Variants in SCIN observed in about 807,000 individuals in gnomAD.
The protein encoded by SCIN is scinderin, also known as adseverin.
In SCIN, 91 loss-of-function variants were observed where a neutral mutation model predicts 91.8. That is an observed-to-expected ratio of 0.99 (90% CI 0.84 to 1.18). SCIN has a LOEUF of 1.18. Among genes scored for constraint, SCIN ranks in the 50% most tolerant of loss-of-function variants. SCIN has a pLI of 0.00. For missense variants in SCIN, 1,087 were observed against 863.9 expected (o/e 1.26, Z -3.24); for synonymous variants, 367 against 312.6 (o/e 1.17, Z -1.84).
At chr7:12,604,416 A>G (rs1323991976) in intron 3 of SCIN, 98 bp from the exon 4 acceptor site, 13 of 1,075,596 alleles carry the variant, frequency 1.2e-5, no homozygotes, top group Admixed American at 2.5e-5. Flanking sequence ...AGGTCATTTA[A>G]TTTTCCTTTT....
intron 4 of SCIN, among the ~76,000 whole-genome samples, chr7:12,605,090 C>T (rs766307808): frequency 7.9e-5 from 12 of 152,026 alleles, no homozygotes; most frequent in Non-Finnish European, 1.3e-4. Context: ...CTTGCTCTGT[C>T]GCCCAGGCTG....
At chr7:12,625,171 T>G (rs781625507) in intron 6 of SCIN, 29 bp downstream of exon 6, 2 of 1,583,904 alleles carry the variant, frequency 1.3e-6, no homozygotes, top group Admixed American at 3.6e-5. Flanking sequence ...GATGCTGTAT[T>G]TCAGATTTAT....
intron 3 of SCIN, among the ~76,000 whole-genome samples, chr7:12,596,031 A>G (rs1414070128): frequency 6.6e-6 from 1 of 152,148 alleles, no homozygotes; most frequent in Non-Finnish European, 1.5e-5. Flanking sequence ...ATTTTTAAAG[A>G]GCTTAGAACA....
chr7:12,578,035 A>G, intron 1 of SCIN, 29 bp from the exon 2 acceptor site: 6 of 1,502,984 alleles, frequency 4.0e-6, no homozygotes, highest in Non-Finnish European at 5.3e-6. Context: ...CTTGCTTGAT[A>G]ATTGAGGTGC....
At chr7:12,626,981 T>G (rs777606370) in intron 8 of SCIN, among the ~76,000 whole-genome samples, 182 bp downstream of exon 8, 12 of 151,868 alleles carry the variant, frequency 7.9e-5, no homozygotes, top group Non-Finnish European at 1.5e-4. Flanking sequence ...TCCTAGCTAC[T>G]TGGTAGGCTG....
chr7:12,598,479 T>C (rs972661100), intron 3 of SCIN, among the ~76,000 whole-genome samples: 1 of 152,208 alleles, frequency 6.6e-6, no homozygotes, highest in Non-Finnish European at 1.5e-5. Flanking sequence ...CTAAACACAC[T>C]ATCCACACAT....
At chr7:12,578,248 A>G in intron 2 of SCIN, 30 bp downstream of exon 2, 2 of 1,531,960 alleles carry the variant, frequency 1.3e-6, no homozygotes, top group South Asian at 1.2e-5. Context: ...TCCATTATGA[A>G]TCCCTTTCTC....
chr7:12,582,892 C>G lies in SCIN; in HGVS notation c.516+1671C>G, dbSNP rs139411226. Reference sequence around the variant, plus strand: ...TTTTCTATCTCAACTTTCATCTCCACCACTTGTACTCTAAAGCCCTTTATA... The same window carrying G: ...TTTTCTATCTCAACTTTCATCTCCAGCACTTGTACTCTAAAGCCCTTTATA... On this transcript the variant is annotated intron_variant, in intron 3 of 15. Coordinates refer to ENST00000297029, the MANE Select transcript of SCIN (RefSeq NM_001112706.3). 3.2e-3 allele frequency among the ~76,000 whole-genome samples: 483 copies of G among 152,268 alleles called. 5 individuals are homozygous for G. The highest frequency in any genetic ancestry group is 0.011 in the African/African-American group (463 of 41,556).
At chr7:12,613,685 T>A (rs1246512806) in intron 4 of SCIN, among the ~76,000 whole-genome samples, 1 of 152,198 alleles carries the variant, frequency 6.6e-6, no homozygotes, top group Non-Finnish European at 1.5e-5. Context: ...ATTGCTGTTA[T>A]GTTTGCAGGG....
chr7:12,577,934 A>T lies in SCIN; in HGVS notation c.200-130A>T, dbSNP rs569555441. 3.6e-5 allele frequency: 27 copies of T among 752,790 alleles called. No individual in the cohort carries two copies. The South Asian group carries it at 5.7e-4, about 16-fold the overall frequency. 46.6% of individuals were successfully genotyped at this position (752,790 alleles called of 1,614,324 possible). On this transcript the variant is annotated intron_variant, in intron 1 of 15. Transcript: ENST00000297029. ...TTACATACAGTATTTTAGCTAAAAG[A>T]TCTTTGTGTAGAAGACTGTTGGATT...
Position 12,635,339 on chromosome 7 carries a change from C to T in SCIN, c.1320-706C>T, listed in dbSNP as rs1388413644. On this transcript the variant is annotated intron_variant, in intron 9 of 15. Coordinates refer to ENST00000297029, the MANE Select transcript of SCIN (RefSeq NM_001112706.3). ...AGAAAGACAAAATGCTGGCTGGGCGCGGTGGCTCATGCCTGTAATCCTAGC... is the reference window on the plus strand; with the variant it reads ...AGAAAGACAAAATGCTGGCTGGGCGTGGTGGCTCATGCCTGTAATCCTAGC... Among the ~76,000 whole-genome samples the T allele has an allele frequency of 2.6e-5, 4 of 151,504 alleles. No homozygotes were observed. The South Asian group carries it at 6.3e-4, about 24-fold the overall frequency.
chr7:12,619,321 A>G (rs1002634235), intron 4 of SCIN, among the ~76,000 whole-genome samples: 7 of 152,178 alleles, frequency 4.6e-5, no homozygotes, highest in African/African-American at 1.7e-4. Flanking sequence ...AGAACAAGCC[A>G]GTGTAAATGT....
intron 5 of SCIN, 70 bp downstream of exon 5, chr7:12,622,963 G>A (rs112416510): frequency 1.4e-3 from 1,501 of 1,094,862 alleles, no homozygotes; most frequent in Admixed American, 2.6e-3. Flanking sequence ...TGTATTGGGC[G>A]GGATTCCCGT....
intron 4 of SCIN, among the ~76,000 whole-genome samples, chr7:12,616,558 A>C (rs1583301568): frequency 1.3e-5 from 2 of 152,174 alleles, no homozygotes; most frequent in East Asian, 3.9e-4. Context: ...AACTCCAAAC[A>C]GCGAAAACAC....
At chr7:12,620,849 A>T (rs1175918168) in intron 4 of SCIN, among the ~76,000 whole-genome samples, 1 of 152,130 alleles carries the variant, frequency 6.6e-6, no homozygotes, top group Non-Finnish European at 1.5e-5. Context: ...ACAGAAAGTA[A>T]TTGAAAGAGG....
chr7:12,630,295 T>G (rs1232846661), intron 9 of SCIN, among the ~76,000 whole-genome samples: 1 of 152,162 alleles, frequency 6.6e-6, no homozygotes, highest in African/African-American at 2.4e-5. Flanking sequence ...ATGTAGACTC[T>G]CAGGCCCCAC....
intron 3 of SCIN, among the ~76,000 whole-genome samples, chr7:12,586,367 A>G (rs1782586516): frequency 6.6e-6 from 1 of 152,220 alleles, no homozygotes. Flanking sequence ...ATGGAAAGCA[A>G]AACCACTATG....
chr7:12,628,462 A>G (rs892207048), intron 8 of SCIN, among the ~76,000 whole-genome samples: 1 of 152,158 alleles, frequency 6.6e-6, no homozygotes, highest in African/African-American at 2.4e-5. Flanking sequence ...GCATCCTCAC[A>G]TGGTGGAAAA....
At chr7:12,589,922 C>G (rs1234341738) in intron 3 of SCIN, among the ~76,000 whole-genome samples, 2 of 152,154 alleles carry the variant, frequency 1.3e-5, no homozygotes, top group African/African-American at 4.8e-5. Flanking sequence ...CTCTCCAGTG[C>G]TATGGGCAAA....
Sources: allele counts gnomAD v4.1 joint callset (sites outside exome capture counted in the v4.1 genomes callset), GRCh38; gene constraint gnomAD v4.1.1; transcripts MANE v1.5; gene names NCBI Gene and HGNC (gene_info 2026-07-23, HGNC 2026-07-21).